Variants in CACNA2D1 observed in about 807,000 individuals in gnomAD.
CACNA2D1 encodes the protein calcium voltage-gated channel auxiliary subunit alpha2delta 1.
Under a neutral mutation model 171.5 loss-of-function variants are expected in CACNA2D1, and 53 were observed. The ratio of observed to expected loss-of-function variants is 0.31; its 90% CI spans 0.25 to 0.39. The LOEUF is 0.39. CACNA2D1 is among the 10% of genes least tolerant of loss of function. The pLI is 1.00. For synonymous variants in CACNA2D1, 442 were observed against 443.1 expected (o/e 1.00, Z 0.03); for missense variants, 903 against 1,299.8 (o/e 0.69, Z 4.69).
chr7:82,301,086 G>A (rs539864909), intron 3 of CACNA2D1, among the ~76,000 whole-genome samples: 5 of 152,118 alleles, frequency 3.3e-5, no homozygotes, highest in Admixed American at 2.0e-4. Flanking sequence ...GAATGTGAAT[G>A]ACTAAAGAAA....
intron 1 of CACNA2D1, among the ~76,000 whole-genome samples, chr7:82,359,466 A>T (rs1820839975): frequency 6.6e-6 from 1 of 152,138 alleles, no homozygotes; most frequent in Non-Finnish European, 1.5e-5. Context: ...TGGTGAATCT[A>T]CTTCCCCATA....
intron 3 of CACNA2D1, among the ~76,000 whole-genome samples, chr7:82,260,844 G>C (rs1806983210): frequency 6.6e-6 from 1 of 151,940 alleles, no homozygotes; most frequent in Non-Finnish European, 1.5e-5. Flanking sequence ...AAACTTAAAT[G>C]GTTTTCTAAA....
chr7:82,160,445 T>G (rs753591608), intron 4 of CACNA2D1, among the ~76,000 whole-genome samples: 10 of 152,094 alleles, frequency 6.6e-5, no homozygotes, highest in Non-Finnish European at 1.3e-4. Flanking sequence ...TATTAAATAC[T>G]GTCAGAATTT....
Position 82,012,166 on chromosome 7 carries a change from G to C in CACNA2D1, c.1350C>G (p.Tyr450Ter). ...KAKQVQWTNV[Y>*]LDALELGLVI... The stretch of plus-strand genomic sequence containing the variant: ...CTCAACCTCTTACCAATGCATCCAG[G>C]TACACATTTGTCCATTGGACTTGCT... The change falls in exon 15 of 39, where the codon TAC becomes TAG. Residue 450 changes from tyrosine (Y) to a stop codon, truncating the protein, a stop_gained. Coordinates refer to ENST00000356860, the MANE Select transcript of CACNA2D1 (RefSeq NM_000722.4). LOFTEE classifies it high-confidence loss of function. The C allele has an allele frequency of 1.3e-6, 2 of 1,588,382 alleles. No homozygotes were observed. Among genetic ancestry groups the C allele is most frequent in the Non-Finnish European group, 1.7e-6 (2 of 1,157,486 alleles).
chr7:82,302,914 T>A (rs1813207185), intron 3 of CACNA2D1, among the ~76,000 whole-genome samples: 2 of 152,216 alleles, frequency 1.3e-5, no homozygotes, highest in South Asian at 4.1e-4. Context: ...AAAAACCATG[T>A]CACAAAAGAA....
intron 7 of CACNA2D1, among the ~76,000 whole-genome samples, chr7:82,082,257 A>T (rs899485682): frequency 6.6e-6 from 1 of 152,036 alleles, no homozygotes; most frequent in African/African-American, 2.4e-5. Flanking sequence ...CCCACATTTC[A>T]TGGGTTCTTG....
intron 4 of CACNA2D1, among the ~76,000 whole-genome samples, chr7:82,168,411 T>C (rs1795687890): frequency 6.6e-6 from 1 of 152,140 alleles, no homozygotes; most frequent in Admixed American, 6.6e-5. Flanking sequence ...CCCAAAGTGC[T>C]GGGATTACAG....
chr7:82,123,804 TAA>T, intron 5 of CACNA2D1, among the ~76,000 whole-genome samples: 1 of 152,280 alleles, frequency 6.6e-6, no homozygotes, highest in Middle Eastern at 3.4e-3. Flanking sequence ...AAATGATACA[TAA>T]AGTTATAGTA....
chr7:82,186,216 G>GGAGGGAGA (rs1797727265), intron 3 of CACNA2D1, among the ~76,000 whole-genome samples: 1 of 98,416 alleles, frequency 1.0e-5, no homozygotes, highest in South Asian at 3.8e-4. Context: ...AGGGAGGGAG[G>GGAGGGAGA]GAAAGAGAGA....
chr7:82,112,059 A>G (rs1040307190), intron 6 of CACNA2D1, among the ~76,000 whole-genome samples: 2 of 152,154 alleles, frequency 1.3e-5, no homozygotes, highest in African/African-American at 4.8e-5. Context: ...CATTATAAGA[A>G]AAAATAAATA....
chr7:82,371,326 G>A (rs1307572388), intron 1 of CACNA2D1, among the ~76,000 whole-genome samples: 1 of 152,072 alleles, frequency 6.6e-6, no homozygotes, highest in Admixed American at 6.6e-5. Context: ...TTCTGGTGTG[G>A]CTGTTTATGA....
intron 1 of CACNA2D1, among the ~76,000 whole-genome samples, chr7:82,361,167 TG>T (rs1298015986): frequency 6.6e-6 from 1 of 152,226 alleles, no homozygotes; most frequent in Admixed American, 6.5e-5. Flanking sequence ...TCCCCTCTGC[TG>T]GTCTGAGCAC....
chr7:82,263,617 C>A (rs1807431121), intron 3 of CACNA2D1, among the ~76,000 whole-genome samples: 1 of 152,102 alleles, frequency 6.6e-6, no homozygotes. Context: ...AGACTAGTAA[C>A]ATATTCCACT....
chr7:82,084,585 C>T (rs1049718258), intron 7 of CACNA2D1, among the ~76,000 whole-genome samples, 184 bp downstream of exon 7: 5 of 152,132 alleles, frequency 3.3e-5, no homozygotes, highest in Admixed American at 6.5e-5. Flanking sequence ...CACAACTGCT[C>T]CTTAGGTATT....
chr7:82,045,486 G>T (rs1804449570), intron 10 of CACNA2D1, among the ~76,000 whole-genome samples: 1 of 152,028 alleles, frequency 6.6e-6, no homozygotes, highest in Non-Finnish European at 1.5e-5. Context: ...ATGGGTTTTG[G>T]TATATAGTCA....
intron 3 of CACNA2D1, among the ~76,000 whole-genome samples, chr7:82,301,766 CACACACAT>C (rs1223154960): frequency 6.0e-5 from 9 of 149,648 alleles, no homozygotes; most frequent in Admixed American, 2.7e-4. Flanking sequence ...CACACACACA[CACACACAT>C]AGAGAGAGAG....
chr7:82,159,577 TA>T (rs1244654329), intron 4 of CACNA2D1, among the ~76,000 whole-genome samples: 1 of 151,736 alleles, frequency 6.6e-6, no homozygotes, highest in Non-Finnish European at 1.5e-5. Context: ...CAGTCTCAGA[TA>T]AATTACAGAT....
intron 1 of CACNA2D1, among the ~76,000 whole-genome samples, chr7:82,369,441 A>G (rs1355278345): frequency 1.3e-5 from 2 of 151,796 alleles, no homozygotes; most frequent in Admixed American, 6.6e-5. Context: ...CCAGTACTTC[A>G]ACAGTTCTTT....
intron 3 of CACNA2D1, among the ~76,000 whole-genome samples, chr7:82,244,035 C>T (rs1804628435): frequency 2.0e-5 from 3 of 152,188 alleles, no homozygotes; most frequent in Admixed American, 6.5e-5. Context: ...TCAAACTTCA[C>T]CTTGATTTGT....
Sources: allele counts gnomAD v4.1 joint callset (sites outside exome capture counted in the v4.1 genomes callset), GRCh38; gene constraint gnomAD v4.1.1; transcripts MANE v1.5; gene names NCBI Gene and HGNC (gene_info 2026-07-23, HGNC 2026-07-21).